The following ZFHX3 variants were observed in gnomAD, a reference collection of about 807,000 sequenced individuals.
ZFHX3 encodes the protein zinc finger homeobox 3.
In ZFHX3, 42 loss-of-function variants were observed where a neutral mutation model predicts 279.1. That is an observed-to-expected ratio of 0.15 (90% CI 0.12 to 0.19). The LOEUF is 0.19. Among genes scored for constraint, ZFHX3 ranks in the 10% least tolerant of loss-of-function variants. ZFHX3 has a pLI of 1.00. For synonymous variants in ZFHX3, 2,293 were observed against 1,957.8 expected (o/e 1.17, Z -4.52); for missense variants, 4,981 against 4,754.0 (o/e 1.05, Z -1.40).
intron 1 of ZFHX3, among the ~76,000 whole-genome samples, chr16:73,831,601 T>C (rs1960999343): frequency 6.6e-6 from 1 of 152,230 alleles, no homozygotes; most frequent in Non-Finnish European, 1.5e-5. Context: ...CCTTGGCTTT[T>C]TCTCCATCAC....
chr16:72,870,281 A>C (rs2038122732), intron 4 of ZFHX3, among the ~76,000 whole-genome samples: 1 of 152,058 alleles, frequency 6.6e-6, no homozygotes, highest in Admixed American at 6.6e-5. Flanking sequence ...AGTCCCAGGT[A>C]CTCAGGAGGC....
chr16:72,963,841 G>A (rs1045253707), intron 1 of ZFHX3, among the ~76,000 whole-genome samples: 14 of 152,130 alleles, frequency 9.2e-5, no homozygotes, highest in Admixed American at 2.6e-4. Flanking sequence ...TCCAGCTCCC[G>A]GAGAATGAAA....
At chr16:73,736,772 G>T (rs114724359) in intron 1 of ZFHX3, among the ~76,000 whole-genome samples, 1 of 152,212 alleles carries the variant, frequency 6.6e-6, no homozygotes, top group Non-Finnish European at 1.5e-5. Flanking sequence ...ATTTAGGGAT[G>T]CATTCTGGCA....
intron 5 of ZFHX3, among the ~76,000 whole-genome samples, chr16:72,815,052 T>A (rs1327794610): frequency 3.3e-5 from 5 of 152,146 alleles, no homozygotes; most frequent in Non-Finnish European, 7.4e-5. Flanking sequence ...CATTAAAATG[T>A]CAGTCCCTAT....
At chr16:73,113,723 A>C (rs997377501) in intron 7 of ZFHX3, among the ~76,000 whole-genome samples, 8 of 149,684 alleles carry the variant, frequency 5.3e-5, no homozygotes, top group African/African-American at 2.0e-4. Context: ...TGATGCATCC[A>C]TTTCTACATT....
chr16:73,884,214 G>A (rs2030273675), intron 1 of ZFHX3, among the ~76,000 whole-genome samples: 1 of 151,992 alleles, frequency 6.6e-6, no homozygotes, highest in Non-Finnish European at 1.5e-5. Context: ...AAGACAAAGG[G>A]GCAATTATGA....
intron 3 of ZFHX3, among the ~76,000 whole-genome samples, chr16:73,434,841 C>T (rs1209501633): frequency 1.3e-5 from 2 of 152,172 alleles, no homozygotes; most frequent in East Asian, 1.9e-4. Flanking sequence ...GGAAAACAAG[C>T]AGCTTGGCTG....
In ZFHX3 at chr16:72,930,601, T is replaced by C. The variant is rs900707056; in HGVS notation, c.3216+19868A>G. On this transcript the variant is annotated intron_variant, in intron 3 of 9. Coordinates refer to ENST00000268489, the MANE Select transcript of ZFHX3 (RefSeq NM_006885.4). ...AATTAAAGGGCTATGGAGCAGACAATAGCAATTGAAAGCTACACAGCTATA... is the reference window on the plus strand; with the variant it reads ...AATTAAAGGGCTATGGAGCAGACAACAGCAATTGAAAGCTACACAGCTATA... Among the ~76,000 whole-genome samples, 3 of 152,084 alleles carry C rather than the reference T, an allele frequency of 2.0e-5. No individual in the cohort carries two copies. The East Asian group carries it at 5.8e-4, about 29-fold the overall frequency.
chr16:73,370,781 T>C (rs1001023806), intron 3 of ZFHX3, among the ~76,000 whole-genome samples: 1 of 152,222 alleles, frequency 6.6e-6, no homozygotes, highest in Non-Finnish European at 1.5e-5. Flanking sequence ...CTTTTGGCAC[T>C]TGAATGCTTA....
intron 1 of ZFHX3, among the ~76,000 whole-genome samples, chr16:73,839,112 T>G (rs1174226002): frequency 6.6e-6 from 1 of 151,656 alleles, no homozygotes; most frequent in Admixed American, 6.6e-5. Flanking sequence ...GTATGTTATA[T>G]TGGCCTGGTT....
chr16:73,506,176 A>G (rs1425705580), intron 2 of ZFHX3, among the ~76,000 whole-genome samples: 1 of 152,198 alleles, frequency 6.6e-6, no homozygotes, highest in Non-Finnish European at 1.5e-5. Flanking sequence ...GCAGTCTCCT[A>G]AGTCATGCGC....
chr16:73,147,856 A>G (rs533564437), intron 5 of ZFHX3, among the ~76,000 whole-genome samples: 2 of 152,258 alleles, frequency 1.3e-5, no homozygotes, highest in South Asian at 4.1e-4. Flanking sequence ...TCGGTGACAG[A>G]GCGAGATCCT....
intron 2 of ZFHX3, among the ~76,000 whole-genome samples, chr16:73,486,030 A>G (rs1002493903): frequency 6.6e-5 from 10 of 152,220 alleles, no homozygotes; most frequent in Non-Finnish European, 1.2e-4. Context: ...ATAGCAGTTG[A>G]GCCATAAACA....
intron 4 of ZFHX3, among the ~76,000 whole-genome samples, chr16:72,830,620 C>G (rs926381147): frequency 1.1e-4 from 17 of 152,148 alleles, no homozygotes; most frequent in African/African-American, 4.1e-4. Flanking sequence ...CACAGTGCTA[C>G]AGTGAAGGCA....
chr16:73,615,726 G>A (rs2052293317), intron 2 of ZFHX3, among the ~76,000 whole-genome samples: 1 of 152,172 alleles, frequency 6.6e-6, no homozygotes, highest in Non-Finnish European at 1.5e-5. Context: ...GTAATTTTAT[G>A]CTGCTGGGGC....
chr16:73,546,311 G>A (rs2020106989), intron 2 of ZFHX3, among the ~76,000 whole-genome samples: 1 of 151,864 alleles, frequency 6.6e-6, no homozygotes, highest in Admixed American at 6.6e-5. Context: ...CTCCCCCTGT[G>A]CATCCAATAG....
intron 2 of ZFHX3, among the ~76,000 whole-genome samples, chr16:73,474,074 CA>C (rs2018721166): frequency 6.6e-6 from 1 of 152,110 alleles, no homozygotes; most frequent in African/African-American, 2.4e-5. Flanking sequence ...AGGAATGAAA[CA>C]AGAGTTGGAA....
chr16:73,508,408 T>G (rs1467390765), intron 2 of ZFHX3, among the ~76,000 whole-genome samples: 1 of 152,118 alleles, frequency 6.6e-6, no homozygotes, highest in African/African-American at 2.4e-5. Flanking sequence ...GGAGCAGCAA[T>G]AAGCATGTTC....
At chr16:73,019,680 A>C (rs11863932) in intron 1 of ZFHX3, among the ~76,000 whole-genome samples, 8,846 of 152,276 alleles carry the variant, frequency 0.058, 289 homozygotes, top group Middle Eastern at 0.082. Flanking sequence ...CACGACGCGC[A>C]GGAAGCAACG....
Sources: allele counts gnomAD v4.1 joint callset (sites outside exome capture counted in the v4.1 genomes callset), GRCh38; gene constraint gnomAD v4.1.1; transcripts MANE v1.5; gene names NCBI Gene and HGNC (gene_info 2026-07-23, HGNC 2026-07-21).